Variants in HKDC1 observed in about 807,000 individuals in gnomAD.
HKDC1 encodes the protein hexokinase HKDC1.
Under a neutral mutation model 96.6 loss-of-function variants are expected in HKDC1, and 66 were observed. The ratio of observed to expected loss-of-function variants is 0.68; its 90% CI spans 0.56 to 0.84. The LOEUF is 0.84. HKDC1 is among the 40% of genes least tolerant of loss of function. The pLI is 0.00. For synonymous variants in HKDC1, 466 were observed against 473.1 expected (o/e 0.98, Z 0.20); for missense variants, 1,211 against 1,208.1 (o/e 1.00, Z -0.04).
At chr10:69,263,031 T>A (rs1230885705) in intron 16 of HKDC1, among the ~76,000 whole-genome samples, 1 of 152,162 alleles carries the variant, frequency 6.6e-6, no homozygotes, top group South Asian at 2.1e-4. Flanking sequence ...GGTGTCTGTT[T>A]TGGATGTTTT....
Position 69,248,602 on chromosome 10 carries a change from G to C in HKDC1, c.1444G>C (p.Glu482Gln). The C allele has an allele frequency of 1.9e-6, 3 of 1,614,180 alleles. No homozygotes were observed. The highest frequency in any genetic ancestry group is 2.5e-6 in the Non-Finnish European group (3 of 1,180,034). The change falls in exon 10 of 18, where the codon GAG becomes CAG. Residue 482 changes from glutamate (E) to glutamine (Q), a missense_variant. Transcript: ENST00000354624. ...GCTGGCTTTGTTCCAGCTGACCCGA[G>C]AGCAGCTCGTGGACGTGCAGGCCAA... ...RVLALFQLTR[E>Q]QLVDVQAKMR...
chr10:69,234,992 G>A (rs753437359), intron 4 of HKDC1, among the ~76,000 whole-genome samples: 2 of 152,186 alleles, frequency 1.3e-5, no homozygotes, highest in African/African-American at 4.8e-5. Flanking sequence ...GCCTGGCGTG[G>A]TGGCTTTTGC....
intron 6 of HKDC1, among the ~76,000 whole-genome samples, chr10:69,242,966 C>T (rs1843475925): frequency 6.6e-6 from 1 of 152,226 alleles, no homozygotes; most frequent in South Asian, 2.1e-4. Flanking sequence ...GAACAGCAAA[C>T]CCTGAGCACC....
chr10:69,264,205 G>C (rs1048276818), intron 16 of HKDC1, among the ~76,000 whole-genome samples: 7 of 66,966 alleles, frequency 1.0e-4, no homozygotes, highest in Non-Finnish European at 1.9e-4. Context: ...TTCTGTGTGT[G>C]TGTGTGTGTG....
chr10:69,258,056 A>T (rs1003585201), intron 14 of HKDC1, among the ~76,000 whole-genome samples: 2 of 152,190 alleles, frequency 1.3e-5, no homozygotes, highest in African/African-American at 4.8e-5. Flanking sequence ...GTTCCATTTG[A>T]TCATCTGGGC....
At chr10:69,263,178 C>T (rs1238039012) in intron 16 of HKDC1, among the ~76,000 whole-genome samples, 2 of 152,146 alleles carry the variant, frequency 1.3e-5, no homozygotes, top group Non-Finnish European at 2.9e-5. Context: ...GATCCTCCCA[C>T]CTCAGCTGCC....
intron 7 of HKDC1, among the ~76,000 whole-genome samples, chr10:69,243,757 A>G (rs1843493413): frequency 1.3e-5 from 2 of 152,072 alleles, no homozygotes; most frequent in Admixed American, 6.5e-5. Flanking sequence ...TCAGCCTCCC[A>G]AAGTGCTGGG....
At chr10:69,242,317 T>G (rs1417477978) in intron 6 of HKDC1, among the ~76,000 whole-genome samples, 1 of 151,874 alleles carries the variant, frequency 6.6e-6, no homozygotes, top group Non-Finnish European at 1.5e-5. Context: ...GTCCGTGCAT[T>G]TCTGAGAAAA....
chr10:69,237,501 T>C (rs1425368786), intron 4 of HKDC1, among the ~76,000 whole-genome samples: 1 of 152,226 alleles, frequency 6.6e-6, no homozygotes, highest in East Asian at 1.9e-4. Flanking sequence ...AGTGTTATCC[T>C]GTATCTACAG....
intron 12 of HKDC1, among the ~76,000 whole-genome samples, chr10:69,251,940 A>G (rs1843649922): frequency 6.6e-6 from 1 of 151,818 alleles, no homozygotes. Flanking sequence ...TTGTATTTTT[A>G]GTAGAGATGG....
chr10:69,257,178 A>G (rs1394224117), intron 13 of HKDC1, 47 bp downstream of exon 13: 3 of 1,555,342 alleles, frequency 1.9e-6, no homozygotes, highest in Non-Finnish European at 2.7e-6. Context: ...TGCCTTCCCC[A>G]GGCCCCTCTG....
chr10:69,246,767 G>A (rs1843548133), intron 8 of HKDC1, among the ~76,000 whole-genome samples: 1 of 152,242 alleles, frequency 6.6e-6, no homozygotes, highest in Admixed American at 6.5e-5. Flanking sequence ...GGCTGCAGGT[G>A]ACGGCGGCTG....
chr10:69,250,940 G>A (rs55772345), intron 12 of HKDC1, among the ~76,000 whole-genome samples: 27,689 of 152,174 alleles, frequency 0.18, 3,238 homozygotes, highest in Non-Finnish European at 0.25. Flanking sequence ...GAGGGAGAAA[G>A]AGGTAATGTC....
At chr10:69,243,959 C>T (rs1360162426) in intron 7 of HKDC1, among the ~76,000 whole-genome samples, 1 of 152,134 alleles carries the variant, frequency 6.6e-6, no homozygotes, top group Non-Finnish European at 1.5e-5. Flanking sequence ...ATGATAGGCA[C>T]TGAAGATAAG....
chr10:69,255,351 G>C (rs559815660), intron 12 of HKDC1, among the ~76,000 whole-genome samples: 2 of 152,338 alleles, frequency 1.3e-5, no homozygotes, highest in South Asian at 4.1e-4. Context: ...GCCAGCCAGG[G>C]GTCCAGTTTC....
Position 69,257,060 on chromosome 10 carries a change from G to A in HKDC1, c.1861G>A (p.Gly621Ser), listed in dbSNP as rs772526820. 6.2e-7 allele frequency: 1 copy of A among 1,614,122 alleles called. No individual in the cohort carries two copies. Among genetic ancestry groups the A allele is most frequent in the Non-Finnish European group, 8.5e-7 (1 of 1,179,996 alleles). ...GGGAACACTCATAGGGTGGACCAAA[G>A]GTTTCAAGGCCACTGACTGTGAAGG... is the stretch of plus-strand genomic sequence containing the variant. ...DKGTLIGWTK[G>S]FKATDCEGED... Residue 621 changes from glycine (G) to serine (S), a missense_variant, in exon 13 of 18, where the codon GGT (glycine) becomes AGT (serine). Coordinates refer to ENST00000354624, the MANE Select transcript of HKDC1 (RefSeq NM_025130.4).
Position 69,258,831 on chromosome 10 carries a change from G to A in HKDC1, c.2088G>A (p.Glu696=), listed in dbSNP as rs569608023. The A allele has an allele frequency of 8.7e-6, 14 of 1,613,860 alleles. No homozygotes were observed. Among genetic ancestry groups the A allele is most frequent in the Middle Eastern group, 1.7e-4 (1 of 6,058 alleles). ...ACATGAGGAACATCGAGATGGTGGA[G>A]GGGGGTGAAGGGAAGATGTGCATCA... ...MEDMRNIEMV[E]GGEGKMCINT... The change falls in exon 15 of 18, where the codon GAG becomes GAA. Residue 696 remains glutamate (E), a synonymous_variant. Transcript: ENST00000354624.
chr10:69,250,194 G>A (rs1843615882), intron 10 of HKDC1, 96 bp from the exon 11 acceptor site: 5 of 1,360,610 alleles, frequency 3.7e-6, no homozygotes, highest in African/African-American at 1.4e-5. Context: ...AGGAGTGCAG[G>A]CCCTGGGTCC....
In HKDC1 at chr10:69,243,336, C is replaced by A; in HGVS notation, c.846C>A (p.Asp282Glu). 1.2e-6 allele frequency: 2 copies of A among 1,602,268 alleles called. No homozygotes were observed. Among genetic ancestry groups the A allele is most frequent in the South Asian group, 1.1e-5 (1 of 89,156 alleles). Residue 282 changes from aspartate to glutamate, a missense_variant, in exon 7 of 18, where the codon GAC becomes GAA. Asp to Glu is a conservative substitution (Grantham distance 45). Coordinates refer to ENST00000354624, the MANE Select transcript of HKDC1 (RefSeq NM_025130.4). ...DIRTEFDREL[D>E]LGSLNPGKQL... ...GCACTGAGTTCGACAGGGAGCTGGA[C>A]CTCGGCTCTCTCAACCCAGGAAAGC...
Sources: gnomAD v4.1 joint callset for allele counts (sites outside exome capture counted in the v4.1 genomes callset) on GRCh38, gnomAD v4.1.1 for gene constraint, MANE v1.5 for transcripts, NCBI Gene and HGNC (gene_info 2026-07-23, HGNC 2026-07-21) for gene names.